GPS1: variants seen among roughly 807,000 people sequenced by gnomAD.
The protein encoded by GPS1 is G protein pathway suppressor 1, also known as COP9 signalosome complex subunit 1.
Under a neutral mutation model 60.0 loss-of-function variants are expected in GPS1, and 11 were observed. That is an observed-to-expected ratio of 0.18 (90% CI 0.12 to 0.30). The LOEUF is 0.30. GPS1 is among the 10% of genes least tolerant of loss of function. The pLI is 1.00. For synonymous variants in GPS1, 343 were observed against 269.8 expected (o/e 1.27, Z -2.66); for missense variants, 543 against 669.2 (o/e 0.81, Z 2.08).
rs757544879 is a variant in GPS1 at position 82,055,828 on chromosome 17, G to A, written c.834+3G>A. ...TTGATCACTGTGACTTCCCTGAGGT[G>A]AGGAGCCCTCTGGGGACTTGGGAGG... On this transcript the variant is annotated splice_donor_region_variant and intron_variant, in intron 7 of 12. Coordinates refer to ENST00000578552, the MANE Select transcript of GPS1 (RefSeq NM_001321092.3). 1.3e-5 allele frequency: 20 copies of A among 1,560,522 alleles called. No individual in the cohort carries two copies. Among genetic ancestry groups the A allele is most frequent in the Non-Finnish European group, 1.7e-5 (20 of 1,151,278 alleles).
chr17:82,056,003 G>C lies in GPS1; in HGVS notation c.837G>C (p.Leu279=). The C allele has an allele frequency of 6.2e-7, 1 of 1,610,332 alleles. No individual in the cohort carries two copies. The highest frequency in any genetic ancestry group is 1.3e-5 in the African/African-American group (1 of 75,018). ...GACGCCAGGTCTCTGCTCCTCAGCT[G>C]CTGTCCCCCAGCAACGTGGCCATCT... is the stretch of plus-strand genomic sequence containing the variant. ...ASFDHCDFPE[L]LSPSNVAIYG... The change falls in exon 8 of 13, where the codon CTG becomes CTC. Residue 279 remains leucine, a splice_region_variant and synonymous_variant. Coordinates refer to ENST00000578552, the MANE Select transcript of GPS1 (RefSeq NM_001321092.3).
rs1474840572 is a variant in GPS1, at chr17:82,056,504, A to G, written c.1070A>G (p.His357Arg). 1 of 1,613,120 alleles carries G rather than the reference A, an allele frequency of 6.2e-7. No homozygotes were observed. Among genetic ancestry groups the G allele is most frequent in the Middle Eastern group, 1.6e-4 (1 of 6,062 alleles). The change falls in exon 10 of 13, where the codon CAT becomes CGT. Residue 357 changes from histidine (H) to arginine (R), a missense_variant. Around this residue, in one of 3 missense-constraint regions of GPS1, gnomAD observed 291 missense variants for 353.7 expected, o/e 0.82. Transcript: ENST00000578552. ...NLLLDMYLAP[H>R]VRTLYTQIRN... Reference sequence around the variant, plus strand: ...CTCCTGGACATGTATCTGGCCCCCCATGTCAGGACCCTGTACACCCAGATT... The same window carrying G: ...CTCCTGGACATGTATCTGGCCCCCCGTGTCAGGACCCTGTACACCCAGATT...
chr17:82,052,416 T>G (rs1190277078), intron 1 of GPS1: 38 of 1,611,320 alleles, frequency 2.4e-5, no homozygotes, highest in Non-Finnish European at 2.9e-5. Flanking sequence ...GCCGGGGACT[T>G]CAGCCTGAGC....
At chr17:82,054,454 C>T (rs375895683) in intron 3 of GPS1, 56 bp from the exon 4 acceptor site, 1 of 1,442,276 alleles carries the variant, frequency 6.9e-7, no homozygotes, top group East Asian at 2.5e-5. Context: ...CGGCTTCCTC[C>T]CCTCCTCCCT....
rs1844837071 is a variant in GPS1, at chr17:82,052,730, C to T, written c.34-544C>T. ...GCTTTGTGTTAAGCCGAGGTCCTGG[C>T]TTCTCTGTGTCTCCCAGCTGGGGGC... On this transcript the variant is annotated intron_variant, in intron 1 of 12. Coordinates refer to ENST00000578552, the MANE Select transcript of GPS1 (RefSeq NM_001321092.3). 7 of 491,538 alleles carry T rather than the reference C, an allele frequency of 1.4e-5. No individual in the cohort carries two copies. In the South Asian group the frequency reaches 1.7e-4, roughly 12 times the overall value. 30.4% of individuals were successfully genotyped at this position (491,538 alleles called of 1,614,324 possible).
Position 82,053,288 on chromosome 17 carries a change from C to G in GPS1, c.48C>G (p.Pro16=). 1.9e-6 allele frequency: 3 copies of G among 1,547,346 alleles called. No homozygotes were observed. The highest frequency in any genetic ancestry group is 2.6e-6 in the Non-Finnish European group (3 of 1,155,920). Residue 16 remains proline, a synonymous_variant, in exon 2 of 13, where the codon CCC becomes CCG. Coordinates refer to ENST00000578552, the MANE Select transcript of GPS1 (RefSeq NM_001321092.3). ...CCATGTTGCAGGGGGCCGTGGAGCC[C>G]ATGCAGATCGACGTGGACCCCCAGG... ...QVFNLQGAVE[P]MQIDVDPQED...
At chr17:82,052,193 C>T in intron 1 of GPS1, 3 of 1,454,102 alleles carry the variant, frequency 2.1e-6, no homozygotes, top group South Asian at 1.2e-5. Context: ...CCCGCCTCCC[C>T]TCCCAGCAGC....
At chr17:82,055,284 C>CTGCCCTGGGCTGGG in intron 6 of GPS1, 62 bp downstream of exon 6, 1 of 1,486,166 alleles carries the variant, frequency 6.7e-7, no homozygotes, top group Non-Finnish European at 9.2e-7. Flanking sequence ...CCTCCCAGCC[C>CTGCCCTGGGCTGGG]AGGGCAGTAG....
chr17:82,055,098 G>C, intron 5 of GPS1, 64 bp from the exon 6 acceptor site: 1 of 1,569,702 alleles, frequency 6.4e-7, no homozygotes, highest in Non-Finnish European at 8.7e-7. Context: ...TCAGTCTGGG[G>C]GCTGGGCATC....
At chr17:82,052,520 T>C in intron 1 of GPS1, 2 of 1,561,158 alleles carry the variant, frequency 1.3e-6, no homozygotes, top group Non-Finnish European at 1.7e-6. Context: ...CGGCCGCCCC[T>C]GCTGTGGCTG....
At chr17:82,055,026 T>C (rs754925546) in intron 5 of GPS1, 51 bp downstream of exon 5, 3 of 1,606,792 alleles carry the variant, frequency 1.9e-6, no homozygotes, top group Admixed American at 3.3e-5. Flanking sequence ...TGACCACTGC[T>C]GGCCCCTCCT....
upstream of GPS1, chr17:82,051,715 C>T: frequency 1.9e-6 from 2 of 1,040,040 alleles, no homozygotes; most frequent in East Asian, 8.3e-5. The surrounding 1 kb of genome is among the most constrained non-coding windows in gnomAD (Gnocchi z 4.1). Context: ...GCGGCCAGGG[C>T]CGCGGCCAGC....
At chr17:82,053,046 G>A (rs2031399069) in intron 1 of GPS1, 2 of 382,524 alleles carry the variant, frequency 5.2e-6, no homozygotes, top group South Asian at 1.7e-4. Context: ...TTCTGCTTCT[G>A]AGCCTTAGAG....
chr17:82,056,266 T>C lies in GPS1; in HGVS notation c.930-20T>C, dbSNP rs2032734869. 1 of 1,546,564 alleles carries C rather than the reference T, an allele frequency of 6.5e-7. No homozygotes were observed. The highest frequency in any genetic ancestry group is 1.7e-5 in the Admixed American group (1 of 59,882). On this transcript the variant is annotated intron_variant, in intron 8 of 12. Transcript: ENST00000578552. ...GAGGGGCAGGCAGAGGACAGAGTTC[T>C]GAGGGGTCTGCCTCACCAGCTCCTT...
upstream of GPS1, chr17:82,051,821 TG>T: frequency 8.8e-7 from 1 of 1,133,072 alleles, no homozygotes; most frequent in Non-Finnish European, 1.1e-6. The surrounding 1 kb of genome is among the most constrained non-coding windows in gnomAD (Gnocchi z 4.1). Context: ...GAGCCGTGGG[TG>T]GGCGGCGGCC....
intron 1 of GPS1, chr17:82,052,766 C>T: frequency 2.3e-6 from 1 of 427,334 alleles, no homozygotes; most frequent in Non-Finnish European, 4.3e-6. Context: ...CATGAGGCTC[C>T]CTGAGATGAC....
intron 1 of GPS1, 145 bp downstream of exon 1, chr17:82,052,109 G>C (rs1354694220): frequency 1.2e-6 from 1 of 816,726 alleles, no homozygotes. Flanking sequence ...AGCGCGCGTC[G>C]GGGGCTGCAG....
chr17:82,051,284 G>A (rs755588134), upstream of GPS1: 12 of 1,383,124 alleles, frequency 8.7e-6, no homozygotes, highest in Non-Finnish European at 1.9e-6. This position sits in a 1 kb window ranked among gnomAD's most constrained non-coding sequence, Gnocchi z 4.1. Flanking sequence ...GGGGAGTGGG[G>A]GACACTCACC....
At chr17:82,053,536 C>T in intron 2 of GPS1, 170 bp downstream of exon 2, 1 of 541,692 alleles carries the variant, frequency 1.8e-6, no homozygotes, top group Non-Finnish European at 3.1e-6. Flanking sequence ...TCACATGAGG[C>T]TTGTAGCTCA....
Sources: gnomAD v4.1 joint callset for allele counts on GRCh38, gnomAD v4.1.1 for gene constraint, gnomAD v4.1.1 regional missense constraint, Gnocchi (gnomAD v3.1) non-coding constraint, MANE v1.5 for transcripts, NCBI Gene and HGNC (gene_info 2026-07-23, HGNC 2026-07-21) for gene names.